The following PRKCZ variants were observed in gnomAD, a reference collection of about 807,000 sequenced individuals.
PRKCZ encodes the protein protein kinase C zeta.
PRKCZ carries 33 observed loss-of-function variants against 79.5 expected under a neutral mutation model. That is an observed-to-expected ratio of 0.41 (90% confidence interval 0.31 to 0.55). The LOEUF (loss-of-function observed/expected upper bound fraction) is 0.55. Among genes scored for constraint, PRKCZ ranks in the 20% least tolerant of loss-of-function variants. PRKCZ has a pLI of 0.19. For synonymous variants in PRKCZ, 342 were observed against 320.9 expected (o/e 1.07, Z -0.70); for missense variants, 578 against 813.5 (o/e 0.71, Z 3.52).
At chr1:2,152,602 A>C (rs1680114329) in intron 9 of PRKCZ, among the ~76,000 whole-genome samples, 1 of 152,246 alleles carries the variant, frequency 6.6e-6, no homozygotes, top group South Asian at 2.1e-4. Context: ...TACAGAGTTG[A>C]GCAGCTATCA....
intron 4 of PRKCZ, among the ~76,000 whole-genome samples, chr1:2,131,353 TCAG>T (rs1459277211): frequency 6.6e-6 from 1 of 152,112 alleles, no homozygotes; most frequent in Non-Finnish European, 1.5e-5. Context: ...ACCTGTAATC[TCAG>T]CACTTTGGGA....
At position 2,178,985 on chromosome 1, in the gene PRKCZ, G is replaced by C. The variant is rs1368527870; in HGVS notation, c.1575+3672G>C. On this transcript the variant is annotated intron_variant, in intron 16 of 17. Transcript: ENST00000378567. The surrounding 1 kb of genome is among the most constrained non-coding windows in gnomAD (Gnocchi z 4.3). ...AACCAGCACCACTCAGGCAGTCGCC[G>C]CCACTGGGGTGTGACTCTGGGGCCC... Among the ~76,000 whole-genome samples the C allele has an allele frequency of 6.6e-6, 1 of 152,204 alleles. No individual in the cohort carries two copies. The highest frequency in any genetic ancestry group is 6.5e-5 in the Admixed American group (1 of 15,282).
rs1406951994 is a variant in PRKCZ, at chr1:2,173,497, A to G, written c.1286-400A>G. Among the ~76,000 whole-genome samples, 1 of 152,236 alleles carries G rather than the reference A, an allele frequency of 6.6e-6. No homozygotes were observed. Among genetic ancestry groups the G allele is most frequent in the Non-Finnish European group, 1.5e-5 (1 of 68,044 alleles). ...GACTACTTGAACCTTTTTAAAAAAC[A>G]AAATGGCTGTAGAAGGAAACACAGG... On this transcript the variant is annotated intron_variant, in intron 13 of 17. Coordinates refer to ENST00000378567, the MANE Select transcript of PRKCZ (RefSeq NM_002744.6). The surrounding 1 kb of genome is among the most constrained non-coding windows in gnomAD (Gnocchi z 5.7).
Position 2,082,355 on chromosome 1 carries a change from G to A in PRKCZ, c.334+22764G>A. The stretch of plus-strand genomic sequence containing the variant: ...GCAAATCACCTCTTTCAAGTTGCCG[G>A]CTACCCGGCTGCCGTAGACAGAGTG... On this transcript the variant is annotated intron_variant, in intron 4 of 17. Coordinates refer to ENST00000378567, the MANE Select transcript of PRKCZ (RefSeq NM_002744.6). The surrounding 1 kb of genome is among the most constrained non-coding windows in gnomAD (Gnocchi z 4.4). 2.2e-6 allele frequency: 1 copy of A among 455,826 alleles called. No individual in the cohort carries two copies. Among genetic ancestry groups the A allele is most frequent in the Non-Finnish European group, 4.4e-6 (1 of 226,828 alleles). 28.2% of individuals were successfully genotyped at this position (455,826 alleles called of 1,614,324 possible).
chr1:2,077,424 T>G (rs908356634), intron 4 of PRKCZ, among the ~76,000 whole-genome samples: 1 of 152,138 alleles, frequency 6.6e-6, no homozygotes, highest in Non-Finnish European at 1.5e-5. Flanking sequence ...CCAGATGGCT[T>G]CTTCTGTTTG....
chr1:2,181,742 C>T (rs1367679303), intron 16 of PRKCZ: 9 of 450,426 alleles, frequency 2.0e-5, no homozygotes, highest in South Asian at 1.4e-4. Flanking sequence ...GTTCCCACCC[C>T]TGCTGCTTAT....
At position 2,050,528 on chromosome 1, in the gene PRKCZ, C is replaced by T. The variant is rs1251090405; in HGVS notation, c.-103C>T. 6 of 701,680 alleles carry T rather than the reference C, an allele frequency of 8.6e-6. No homozygotes were observed. Among genetic ancestry groups the T allele is most frequent in the Non-Finnish European group, 9.7e-6 (5 of 516,848 alleles). The allele number at this position is 701,680 out of a possible 1,614,324, so 43.5% of individuals were successfully genotyped here. A position where few individuals can be genotyped will look rare whatever the true frequency, so the allele number is the denominator to read the frequency against. On this transcript the variant is annotated 5_prime_UTR_variant, in exon 1 of 18. Coordinates refer to ENST00000378567, the MANE Select transcript of PRKCZ (RefSeq NM_002744.6). ...CCGGGTCGGCGCCGTCGGTCCTGAG[C>T]GCTGCCTTCCGCGTTCCGCCGCGGC...
intron 4 of PRKCZ, among the ~76,000 whole-genome samples, chr1:2,098,043 G>A (rs544739804): frequency 1.1e-4 from 16 of 152,088 alleles, no homozygotes; most frequent in Admixed American, 1.0e-3. Flanking sequence ...CGGGAAGGAT[G>A]GTTACAGAAC....
intron 9 of PRKCZ, among the ~76,000 whole-genome samples, chr1:2,151,457 T>C (rs2103229732): frequency 6.6e-6 from 1 of 152,328 alleles, no homozygotes; most frequent in African/African-American, 2.4e-5. Flanking sequence ...TCATCACCCT[T>C]GTTAGGAAAT....
intron 4 of PRKCZ, among the ~76,000 whole-genome samples, chr1:2,067,920 G>T (rs772415879): frequency 6.6e-6 from 1 of 152,216 alleles, no homozygotes; most frequent in African/African-American, 2.4e-5. Context: ...TTGCCTGTCT[G>T]TGTCTGGGGT....
intron 4 of PRKCZ, among the ~76,000 whole-genome samples, chr1:2,084,961 A>G (rs1664215398): frequency 6.6e-6 from 1 of 151,754 alleles, no homozygotes; most frequent in Non-Finnish European, 1.5e-5. Flanking sequence ...GTGAGCTGAG[A>G]TTGTGCCACT....
At chr1:2,110,023 G>A (rs190116878) in intron 4 of PRKCZ, among the ~76,000 whole-genome samples, 4 of 152,028 alleles carry the variant, frequency 2.6e-5, no homozygotes, top group East Asian at 1.9e-4. Flanking sequence ...CCATTTCATC[G>A]GGGCCCTCCC....
In PRKCZ at chr1:2,150,996, T is replaced by TGGGGCCCG. The variant is rs760945996; in HGVS notation, c.876+29_876+36dup. 3.4e-4 allele frequency: 552 copies of TGGGGCCCG among 1,611,734 alleles called. 1 individual carries two copies. Among genetic ancestry groups the TGGGGCCCG allele is most frequent in the Non-Finnish European group, 4.5e-4 (528 of 1,179,518 alleles). On this transcript the variant is annotated intron_variant, in intron 9 of 17. Transcript: ENST00000378567. ...ATGACGAGGTAGGTGCCGCTTCTCATGGGGCCCGGGGGCCCGGGAACGCGC... is the reference window on the plus strand; with the variant it reads ...ATGACGAGGTAGGTGCCGCTTCTCATGGGGCCCGGGGGCCCGGGGGCCCGGGAACGCGC...
rs575761865 is a variant in PRKCZ at position 2,106,490 on chromosome 1, G to A, written c.335-28772G>A. Among the ~76,000 whole-genome samples, 174 of 109,572 alleles carry A rather than the reference G, an allele frequency of 1.6e-3. 7 individuals carry two copies. The highest frequency in any genetic ancestry group is 6.1e-3 in the African/African-American group (163 of 26,890). The allele number at this position is 109,572 out of a possible 152,430, so 71.9% of individuals were successfully genotyped here. On this transcript the variant is annotated intron_variant, in intron 4 of 17. Transcript: ENST00000378567. ...CTCCAGTGGGCGAGGACCTCCACACGTGTCACCAGGCCAGGTAACTCTCAG... is the reference window on the plus strand; with the variant it reads ...CTCCAGTGGGCGAGGACCTCCACACATGTCACCAGGCCAGGTAACTCTCAG...
rs145407159 is a variant in PRKCZ at position 2,173,081 on chromosome 1, G to A, written c.1285+693G>A. Among the ~76,000 whole-genome samples the A allele has an allele frequency of 6.8e-6, 1 of 148,034 alleles. No homozygotes were observed. Among genetic ancestry groups the A allele is most frequent in the East Asian group, 1.9e-4 (1 of 5,186 alleles). On this transcript the variant is annotated intron_variant, in intron 13 of 17. Coordinates refer to ENST00000378567, the MANE Select transcript of PRKCZ (RefSeq NM_002744.6). This position sits in a 1 kb window ranked among gnomAD's most constrained non-coding sequence, Gnocchi z 5.7. ...TGTGTGTTGTGTGCACATGCATACT[G>A]TGTTTGTACACACTCCACCCACTTC...
At chr1:2,103,086 T>C (rs1667775170) in intron 4 of PRKCZ, among the ~76,000 whole-genome samples, 1 of 152,144 alleles carries the variant, frequency 6.6e-6, no homozygotes, top group Non-Finnish European at 1.5e-5. Flanking sequence ...CCCAGGCTGG[T>C]CTGGAATGCC....
At chr1:2,110,531 C>T (rs1669518704) in intron 4 of PRKCZ, among the ~76,000 whole-genome samples, 1 of 152,212 alleles carries the variant, frequency 6.6e-6, no homozygotes, top group African/African-American at 2.4e-5. Flanking sequence ...CCATTGAGTC[C>T]ACTGGGCCCG....
chr1:2,090,372 G>A (rs1160817817), intron 4 of PRKCZ, among the ~76,000 whole-genome samples: 1 of 152,102 alleles, frequency 6.6e-6, no homozygotes, highest in Non-Finnish European at 1.5e-5. Context: ...GTAGCCGTCA[G>A]GGAGCACCTG....
chr1:2,091,328 C>T lies in PRKCZ; in HGVS notation c.334+31737C>T, dbSNP rs1255666040. 5.3e-5 allele frequency among the ~76,000 whole-genome samples: 8 copies of T among 152,180 alleles called. No individual in the cohort carries two copies. In the East Asian group the frequency reaches 7.7e-4, roughly 15 times the overall value. On this transcript the variant is annotated intron_variant, in intron 4 of 17. Transcript: ENST00000378567. Reference sequence around the variant, plus strand: ...CTGGGATTATAGAAGTGAGCCACCGCGCCTGGCCTGTTTGTTTTTTAATTG... The same window carrying T: ...CTGGGATTATAGAAGTGAGCCACCGTGCCTGGCCTGTTTGTTTTTTAATTG...
Sources: gnomAD v4.1 joint callset for allele counts (sites outside exome capture counted in the v4.1 genomes callset) on GRCh38, gnomAD v4.1.1 for gene constraint, Gnocchi (gnomAD v3.1) non-coding constraint, MANE v1.5 for transcripts, NCBI Gene and HGNC (gene_info 2026-07-23, HGNC 2026-07-21) for gene names.